PRRC2A: variants seen among roughly 807,000 people sequenced by gnomAD.
The protein encoded by PRRC2A is protein PRRC2A.
A neutral mutation model predicts 224.6 loss-of-function variants in PRRC2A; 59 were observed. That is an observed-to-expected ratio of 0.26 (90% CI 0.21 to 0.33). The LOEUF (loss-of-function observed/expected upper bound fraction) is 0.33. PRRC2A is among the 10% of genes least tolerant of loss of function. The pLI, the probability that PRRC2A is intolerant of heterozygous loss-of-function variation, is 1.00. For missense variants in PRRC2A, 3,095 were observed against 2,880.7 expected, an observed-to-expected ratio of 1.07 and a Z score of -1.70; for synonymous variants, 1,194 against 1,109.5, an observed-to-expected ratio of 1.08 and a Z score of -1.51.
intron 12 of PRRC2A, among the ~76,000 whole-genome samples, 192 bp downstream of exon 12, chr6:31,628,431 T>G (rs2736170): frequency 6.6e-6 from 1 of 152,174 alleles, no homozygotes; most frequent in Non-Finnish European, 1.5e-5. Context: ...TAGGTTGTAG[T>G]CTAATACCAT....
chr6:31,623,259 ATTT>A (rs3993756), intron 2 of PRRC2A: 8,428 of 319,352 alleles, frequency 0.026, 25 homozygotes, highest in South Asian at 0.038. Context: ...GATTTCATAG[ATTT>A]TTTTTTTTTT....
Position 31,630,652 on chromosome 6 carries a change from T to C in PRRC2A, c.2316T>C (p.His772=). Residue 772 remains histidine (H), a synonymous_variant, in exon 15 of 31, where the codon CAT becomes CAC. Coordinates refer to ENST00000376033, the MANE Select transcript of PRRC2A (RefSeq NM_004638.4). ...CAAGCTCAGAGCCATTTGACCGTCA[T>C]GCACCTGCTATGTTACGGGAACGGG... is the stretch of plus-strand genomic sequence containing the variant. ...GGSSSEPFDR[H]APAMLRERGT... The C allele has an allele frequency of 2.5e-6, 4 of 1,614,116 alleles. No individual in the cohort carries two copies. Among genetic ancestry groups the C allele is most frequent in the South Asian group, 1.1e-5 (1 of 91,068 alleles).
Position 31,637,263 on chromosome 6 carries a change from A to G in PRRC2A, c.6272A>G (p.Lys2091Arg), listed in dbSNP as rs1270307915. 3 of 1,612,470 alleles carry G rather than the reference A, an allele frequency of 1.9e-6. No individual in the cohort carries two copies. The highest frequency in any genetic ancestry group is 2.5e-6 in the Non-Finnish European group (3 of 1,179,554). The change falls in exon 30 of 31, where the codon AAG (lysine) becomes AGG (arginine). Residue 2091 changes from lysine to arginine, a missense_variant. Lys to Arg is a conservative substitution (Grantham distance 26). Around this residue, in one of 8 missense-constraint regions of PRRC2A, gnomAD observed 662 missense variants for 609.5 expected, o/e 1.09. Transcript: ENST00000376033. The stretch of plus-strand genomic sequence containing the variant: ...TTCTCTGGCCTCAATTCCCGTCTCA[A>G]GGCCACGCCTTCCACCTACAGTGGA... ...RSFSGLNSRL[K>R]ATPSTYSGVF...
At chr6:31,622,088 C>T (rs909551201) in intron 1 of PRRC2A, among the ~76,000 whole-genome samples, 1 of 152,204 alleles carries the variant, frequency 6.6e-6, no homozygotes, top group Non-Finnish European at 1.5e-5. Flanking sequence ...GTTCCTATAG[C>T]CTGGGAGTAT....
rs1425402030 is a variant in PRRC2A, at chr6:31,628,182, G to C, written c.1708G>C (p.Val570Leu). The C allele has an allele frequency of 6.2e-7, 1 of 1,612,954 alleles. No individual in the cohort carries two copies. Among genetic ancestry groups the C allele is most frequent in the East Asian group, 2.2e-5 (1 of 44,888 alleles). The change falls in exon 12 of 31, where the codon GTG becomes CTG. Residue 570 changes from valine (V) to leucine (L), a missense_variant. By Grantham distance (32) the Val-to-Leu change is conservative. Coordinates refer to ENST00000376033, the MANE Select transcript of PRRC2A (RefSeq NM_004638.4). The part of the protein sequence containing the change: ...TPGVAAAPTL[V>L]SGGGSTSSTS... ...AGGTGTGGCTGCGGCTCCCACTCTG[G>C]TGAGTGGTGGTGGCAGTACCAGTAG...
rs1776796823 is a variant in PRRC2A, at chr6:31,632,739, G to A, written c.4066G>A (p.Gly1356Arg). Reference sequence around the variant, plus strand: ...ACCCAAGGCTGTGGGAACTCCTGGGGGAGGTGGAGGTGGAGCCGTACCAGG... The same window carrying A: ...ACCCAAGGCTGTGGGAACTCCTGGGAGAGGTGGAGGTGGAGCCGTACCAGG... ...LTPKAVGTPGGGGGGAVPGIS... is the reference protein window; with the variant it reads ...LTPKAVGTPGRGGGGAVPGIS... Residue 1356 changes from glycine to arginine, a missense_variant, in exon 16 of 31, where the codon GGA (glycine) becomes AGA (arginine). Physicochemically the swap from Gly to Arg is moderately radical, Grantham distance 125 (BLOSUM62 -2). Around this residue, in one of 8 missense-constraint regions of PRRC2A, gnomAD observed 2,001 missense variants for 1,764.9 expected, o/e 1.13. Coordinates refer to ENST00000376033, the MANE Select transcript of PRRC2A (RefSeq NM_004638.4). 6.2e-7 allele frequency: 1 copy of A among 1,612,980 alleles called. No homozygotes were observed. Among genetic ancestry groups the A allele is most frequent in the African/African-American group, 1.3e-5 (1 of 74,940 alleles).
At chr6:31,626,929 G>C in intron 10 of PRRC2A, 53 bp from the exon 11 acceptor site, 1 of 1,608,210 alleles carries the variant, frequency 6.2e-7, no homozygotes, top group Non-Finnish European at 8.5e-7. Flanking sequence ...TATACTCTTA[G>C]AGGAGTATAT....
chr6:31,624,637 C>A, intron 5 of PRRC2A, 115 bp downstream of exon 5: 1 of 1,178,622 alleles, frequency 8.5e-7, no homozygotes, highest in Non-Finnish European at 1.2e-6. Flanking sequence ...AAGGACCACC[C>A]ATATTCAGTT....
At chr6:31,630,931 C>T in intron 15 of PRRC2A, 130 bp downstream of exon 15, 1 of 1,315,614 alleles carries the variant, frequency 7.6e-7, no homozygotes, top group Non-Finnish European at 1.0e-6. Context: ...TGGCTCATGC[C>T]TGTAATCCCA....
chr6:31,636,936 G>A lies in PRRC2A; in HGVS notation c.6138G>A (p.Gly2046=). Reference sequence around the variant, plus strand: ...CCAGGCCCTTCCCCGCTAGCTTGGGGCGAGCAGAGGTAAGGTACAGGAACT... The same window carrying A: ...CCAGGCCCTTCCCCGCTAGCTTGGGACGAGCAGAGGTAAGGTACAGGAACT... ...SPARPFPASL[G]RAELHPVELK... Residue 2046 remains glycine, a synonymous_variant, in exon 28 of 31, where the codon GGG becomes GGA. Coordinates refer to ENST00000376033, the MANE Select transcript of PRRC2A (RefSeq NM_004638.4). This position sits in a 1 kb window ranked among gnomAD's most constrained non-coding sequence, Gnocchi z 4.3. 6.2e-7 allele frequency: 1 copy of A among 1,612,864 alleles called. No homozygotes were observed. The highest frequency in any genetic ancestry group is 2.2e-5 in the East Asian group (1 of 44,880).
At position 31,623,889 on chromosome 6, in the gene PRRC2A, G is replaced by A; in HGVS notation, c.270G>A (p.Gln90=). The A allele has an allele frequency of 1.2e-6, 2 of 1,614,184 alleles. No homozygotes were observed. Among genetic ancestry groups the A allele is most frequent in the African/African-American group, 2.7e-5 (2 of 75,050 alleles). Residue 90 remains glutamine (Q), a synonymous_variant, in exon 3 of 31, where the codon CAG becomes CAA. Coordinates refer to ENST00000376033, the MANE Select transcript of PRRC2A (RefSeq NM_004638.4). ...PKDGTGWASK[Q]EQSDPKSSDA... is the part of the protein sequence containing the mutation. ...ACGGAACAGGATGGGCAAGCAAACA[G>A]GAGCAGTCCGACCCCAAGAGGTAGA...
In PRRC2A at chr6:31,631,488, C is replaced by T. The variant is rs1346354582; in HGVS notation, c.2815C>T (p.Pro939Ser). The T allele has an allele frequency of 1.2e-6, 2 of 1,608,208 alleles. No individual in the cohort carries two copies. The highest frequency in any genetic ancestry group is 1.7e-6 in the Non-Finnish European group (2 of 1,178,228). ...RPGSSRRGIP[P>S]EEPGAPPRRA... ...AGGGAGCAGTCGTCGTGGAATCCCT[C>T]CAGAGGAGCCAGGGGCCCCACCCCG... Residue 939 changes from proline to serine, a missense_variant, in exon 16 of 31, where the codon CCA becomes TCA. Around this residue, in one of 8 missense-constraint regions of PRRC2A, gnomAD observed 2,001 missense variants for 1,764.9 expected, o/e 1.13. Transcript: ENST00000376033. This position sits in a 1 kb window ranked among gnomAD's most constrained non-coding sequence, Gnocchi z 4.5.
intron 4 of PRRC2A, 43 bp downstream of exon 4, chr6:31,624,403 A>G (rs1044763888): frequency 6.2e-7 from 1 of 1,607,258 alleles, no homozygotes; most frequent in Non-Finnish European, 8.5e-7. Flanking sequence ...AATGGTTCAT[A>G]GCTGCCCCAC....
At position 31,636,400 on chromosome 6, in the gene PRRC2A, C is replaced by G; in HGVS notation, c.5816C>G (p.Pro1939Arg). 1.9e-6 allele frequency: 3 copies of G among 1,612,944 alleles called. No individual in the cohort carries two copies. The highest frequency in any genetic ancestry group is 2.5e-6 in the Non-Finnish European group (3 of 1,179,976). ...YSPAFCPSPL[P>R]DTSLLQVRQD... ...CCGGCTTTCTGCCCCAGTCCTTTGC[C>G]TGACACATCGTTGCTTCAGGTAAGA... Residue 1939 changes from proline (P) to arginine (R), a missense_variant, in exon 26 of 31, where the codon CCT becomes CGT. Physicochemically the swap from Pro to Arg is moderately radical, Grantham distance 103. Transcript: ENST00000376033. This position sits in a 1 kb window ranked among gnomAD's most constrained non-coding sequence, Gnocchi z 4.3.
Position 31,625,745 on chromosome 6 carries a change from G to A in PRRC2A, c.760-47G>A. 6.4e-7 allele frequency: 1 copy of A among 1,556,774 alleles called. No individual in the cohort carries two copies. ...GATAGCAGGCTTAAGGAGCTAGAAG[G>A]GTATATGACTGTCCCTCTGAGCAGC... On this transcript the variant is annotated intron_variant, in intron 7 of 30. Coordinates refer to ENST00000376033, the MANE Select transcript of PRRC2A (RefSeq NM_004638.4). This position sits in a 1 kb window ranked among gnomAD's most constrained non-coding sequence, Gnocchi z 4.1.
chr6:31,637,433 G>A lies in PRRC2A; in HGVS notation c.6334-13G>A, dbSNP rs372354401. ...CACTGTGACTCACTGTTTAACACAT[G>A]CCTGTCCCCTAGGCCTCCCCACCAG... On this transcript the variant is annotated splice_polypyrimidine_tract_variant and intron_variant, in intron 30 of 30. Transcript: ENST00000376033. 1.2e-4 allele frequency: 191 copies of A among 1,591,792 alleles called. No individual in the cohort carries two copies. In the African/African-American group the frequency reaches 2.2e-3, roughly 18 times the overall value.
chr6:31,628,146 A>G lies in PRRC2A; in HGVS notation c.1672A>G (p.Thr558Ala), dbSNP rs1488082046. 9.9e-6 allele frequency: 16 copies of G among 1,612,480 alleles called. No individual in the cohort carries two copies. Among genetic ancestry groups the G allele is most frequent in the African/African-American group, 1.3e-5 (1 of 74,706 alleles). ...AGCACAGGCCCCTCCTGCCCAATCT[A>G]CTCCTACTCCAGGTGTGGCTGCGGC... is the stretch of plus-strand genomic sequence containing the variant. ...EPAQAPPAQS[T>A]PTPGVAAAPT... Residue 558 changes from threonine to alanine, a missense_variant, in exon 12 of 31, where the codon ACT (threonine) becomes GCT (alanine). Around this residue, in one of 8 missense-constraint regions of PRRC2A, gnomAD observed 2,001 missense variants for 1,764.9 expected, o/e 1.13. Coordinates refer to ENST00000376033, the MANE Select transcript of PRRC2A (RefSeq NM_004638.4).
rs1418133146 is a variant in PRRC2A, at chr6:31,623,601, A to C, written c.113-131A>C. ...GAGATTATTAAGGGCAGGGGAAGGAATCCCTTCTAAGAGAAGTTTGGAGGA... is the reference window on the plus strand; with the variant it reads ...GAGATTATTAAGGGCAGGGGAAGGACTCCCTTCTAAGAGAAGTTTGGAGGA... On this transcript the variant is annotated intron_variant, in intron 2 of 30. Coordinates refer to ENST00000376033, the MANE Select transcript of PRRC2A (RefSeq NM_004638.4). 3 of 1,053,240 alleles carry C rather than the reference A, an allele frequency of 2.8e-6. No individual in the cohort carries two copies. The African/African-American group carries it at 4.8e-5, about 17-fold the overall frequency. 65.2% of individuals were successfully genotyped at this position (1,053,240 alleles called of 1,614,324 possible).
intron 15 of PRRC2A, 24 bp downstream of exon 15, chr6:31,630,825 G>T (rs1339772615): frequency 6.2e-7 from 1 of 1,611,024 alleles, no homozygotes; most frequent in Non-Finnish European, 8.5e-7. Context: ...ATGAGAAATG[G>T]GTGAGTTCAC....
Sources: allele counts gnomAD v4.1 joint callset (sites outside exome capture counted in the v4.1 genomes callset), GRCh38; gene constraint gnomAD v4.1.1; regional missense constraint gnomAD v4.1.1; non-coding constraint Gnocchi (gnomAD v3.1); transcripts MANE v1.5; gene names NCBI Gene and HGNC (gene_info 2026-07-23, HGNC 2026-07-21).